Variants in IL1RAPL2 observed in about 807,000 individuals in gnomAD.
IL1RAPL2 encodes interleukin 1 receptor accessory protein like 2.
IL1RAPL2 carries 3 observed loss-of-function variants against 44.1 expected under a neutral mutation model. The observed-to-expected ratio is 0.07, with a 90% confidence interval of 0.03 to 0.18. The LOEUF (loss-of-function observed/expected upper bound fraction) is 0.18, where lower values mean the gene tolerates loss of function less well. Among genes scored for constraint, IL1RAPL2 ranks in the 10% least tolerant of loss-of-function variants. The probability of loss-of-function intolerance (pLI) is 1.00; values close to 1 mark genes in which losing one functional copy is unlikely to be tolerated. For missense variants in IL1RAPL2, 391 were observed against 496.4 expected, an observed-to-expected ratio of 0.79 and a Z score of 2.02; for synonymous variants, 181 against 178.8, an observed-to-expected ratio of 1.01 and a Z score of -0.10.
At chrX:104,812,673 T>A (rs1921027861) in intron 2 of IL1RAPL2, among the ~76,000 whole-genome samples, 2 of 111,349 alleles carry the variant, frequency 1.8e-5, no homozygotes, top group South Asian at 7.6e-4. Context: ...ATGGAAGGGA[T>A]TGAAGAATAG....
chrX:105,447,778 A>G (rs1240672521), intron 5 of IL1RAPL2, among the ~76,000 whole-genome samples: 12,225 of 85,175 alleles, frequency 0.14, 2,819 homozygotes, highest in African/African-American at 0.6. Flanking sequence ...ATATAAATAT[A>G]TTAAAAATAT....
intron 2 of IL1RAPL2, among the ~76,000 whole-genome samples, chrX:104,729,272 A>T (rs1284824462): frequency 3.6e-5 from 4 of 111,134 alleles, no homozygotes; most frequent in South Asian, 3.7e-4. Flanking sequence ...CATATCAAAA[A>T]TTTTTTAACA....
At chrX:104,783,428 C>T (rs1482390915) in intron 2 of IL1RAPL2, among the ~76,000 whole-genome samples, 1 of 111,090 alleles carries the variant, frequency 9.0e-6, no homozygotes. Flanking sequence ...CCAACCGACT[C>T]TTGTCTTAGC....
intron 2 of IL1RAPL2, among the ~76,000 whole-genome samples, chrX:104,835,102 C>T (rs1414835287): frequency 7.2e-5 from 8 of 111,757 alleles, no homozygotes; most frequent in Non-Finnish European, 1.5e-4. Flanking sequence ...TACTCCTACT[C>T]CTTCATTCTA....
chrX:105,729,911 AGGAAGGAAGGAG>A (rs1311290669), intron 7 of IL1RAPL2, among the ~76,000 whole-genome samples: 9 of 69,065 alleles, frequency 1.3e-4, no homozygotes, highest in Non-Finnish European at 7.0e-5. Flanking sequence ...GAAGGAAGGA[AGGAAGGAAGGAG>A]GGAGGGAGGG....
intron 2 of IL1RAPL2, among the ~76,000 whole-genome samples, chrX:104,893,338 G>T (rs1433485305): frequency 9.0e-6 from 1 of 111,301 alleles, no homozygotes; most frequent in Non-Finnish European, 1.9e-5. Flanking sequence ...TCAATTTCTG[G>T]ATATCCTCAT....
chrX:104,983,589 A>T (rs2030499023), intron 2 of IL1RAPL2, among the ~76,000 whole-genome samples: 22 of 90,340 alleles, frequency 2.4e-4, no homozygotes, highest in South Asian at 1.8e-3. Flanking sequence ...ATAATATATA[A>T]TATATTATAT....
At chrX:105,144,739 C>T (rs2033163848) in intron 2 of IL1RAPL2, among the ~76,000 whole-genome samples, 1 of 111,696 alleles carries the variant, frequency 9.0e-6, no homozygotes, top group Non-Finnish European at 1.9e-5. Flanking sequence ...TCCTGCCTCC[C>T]ATCCCCAATG....
chrX:104,912,620 A>AT (rs1016597102), intron 2 of IL1RAPL2, among the ~76,000 whole-genome samples: 5 of 111,586 alleles, frequency 4.5e-5, no homozygotes, highest in African/African-American at 1.6e-4. Flanking sequence ...AAAAATACTT[A>AT]TTTTTAATGT....
intron 2 of IL1RAPL2, among the ~76,000 whole-genome samples, chrX:104,916,513 A>T (rs1432107744): frequency 9.0e-6 from 1 of 111,602 alleles, no homozygotes; most frequent in Non-Finnish European, 1.9e-5. Context: ...GTCATCTGCA[A>T]ACAGGGACAA....
In IL1RAPL2 at chrX:105,037,723, T is replaced by C. The variant is rs146658747; in HGVS notation, c.83-157752T>C. 3.7e-3 allele frequency among the ~76,000 whole-genome samples: 410 copies of C among 111,912 alleles called. 5 individuals carry two copies. Among genetic ancestry groups the C allele is most frequent in the African/African-American group, 0.013 (393 of 30,841 alleles). ...TTTCTTTTTATTGAAACATTCTCAA[T>C]GGTATTCAAACATACTCTGCTCTCT... On this transcript the variant is annotated intron_variant, in intron 2 of 10. Transcript: ENST00000372582.
At chrX:105,183,157 C>A (rs2033550624) in intron 2 of IL1RAPL2, among the ~76,000 whole-genome samples, 1 of 111,013 alleles carries the variant, frequency 9.0e-6, no homozygotes. Flanking sequence ...GCAGGATGAC[C>A]CACTGTGGTG....
At chrX:104,651,422 C>T (rs1303019866) in intron 1 of IL1RAPL2, among the ~76,000 whole-genome samples, 1 of 112,001 alleles carries the variant, frequency 8.9e-6, no homozygotes, top group Non-Finnish European at 1.9e-5. Context: ...AATATGATCA[C>T]ATAATGTCCA....
intron 2 of IL1RAPL2, among the ~76,000 whole-genome samples, chrX:105,143,826 CAG>C (rs1433619608): frequency 1.8e-5 from 2 of 109,703 alleles, no homozygotes; most frequent in Non-Finnish European, 3.8e-5. Context: ...AAATCACACA[CAG>C]GGGCCTGTTG....
At chrX:105,116,583 G>C (rs1255353652) in intron 2 of IL1RAPL2, among the ~76,000 whole-genome samples, 1 of 111,933 alleles carries the variant, frequency 8.9e-6, no homozygotes, top group Non-Finnish European at 1.9e-5. Context: ...CAGGACCCAA[G>C]GCAAGCATTC....
chrX:104,961,544 G>A (rs764861979), intron 2 of IL1RAPL2, among the ~76,000 whole-genome samples: 7 of 111,664 alleles, frequency 6.3e-5, no homozygotes, highest in Non-Finnish European at 1.3e-4. Flanking sequence ...AGGAGTCTTA[G>A]TTCAATTGTC....
intron 10 of IL1RAPL2, among the ~76,000 whole-genome samples, chrX:105,766,754 C>G (rs2038733467): frequency 9.3e-6 from 1 of 107,924 alleles, no homozygotes; most frequent in South Asian, 4.0e-4. Context: ...CAACAAAACA[C>G]TGTAAGTAAT....
intron 6 of IL1RAPL2, among the ~76,000 whole-genome samples, chrX:105,539,610 C>T (rs1437561388): frequency 1.8e-5 from 2 of 111,417 alleles, no homozygotes; most frequent in Admixed American, 9.6e-5. Flanking sequence ...GGACATAGGT[C>T]CTGGCAAAGA....
intron 2 of IL1RAPL2, among the ~76,000 whole-genome samples, chrX:104,949,679 C>T (rs1205459669): frequency 9.1e-6 from 1 of 109,909 alleles, no homozygotes; most frequent in Non-Finnish European, 1.9e-5. Context: ...GTTATGTAGC[C>T]AGTAGTCATT....
Sources: allele counts gnomAD v4.1 joint callset (sites outside exome capture counted in the v4.1 genomes callset), GRCh38; gene constraint gnomAD v4.1.1; transcripts MANE v1.5; gene names NCBI Gene and HGNC (gene_info 2026-07-23, HGNC 2026-07-21).